The following STK11 variants were observed in gnomAD, a reference collection of about 807,000 sequenced individuals.
STK11 encodes serine/threonine kinase 11.
Under a neutral mutation model 47.3 loss-of-function variants are expected in STK11, and 8 were observed. The ratio of observed to expected loss-of-function variants is 0.17; its 90% CI spans 0.10 to 0.31. The LOEUF (loss-of-function observed/expected upper bound fraction) is 0.31, where lower values mean the gene tolerates loss of function less well. STK11 is among the 10% of genes least tolerant of loss of function. The pLI, the probability that STK11 is intolerant of heterozygous loss-of-function variation, is 1.00. For missense variants in STK11, 475 were observed against 605.0 expected (o/e 0.79, Z 2.25); for synonymous variants, 330 against 255.8 (o/e 1.29, Z -2.77).
intron 8 of STK11, chr19:1,224,735 A>G: frequency 3.0e-6 from 3 of 985,280 alleles, no homozygotes; most frequent in Non-Finnish European, 3.6e-6. Flanking sequence ...CTTTTTCATG[A>G]CCCTGCTAAG....
In STK11 at chr19:1,221,477, G is replaced by C. The variant is rs552484772; in HGVS notation, c.862+137G>C. Reference sequence around the variant, plus strand: ...ATTGAGAGGACTGAGTGGAGAGGCCGACCTCCCCGCAGGGCCTGGTTTGCC... The same window carrying C: ...ATTGAGAGGACTGAGTGGAGAGGCCCACCTCCCCGCAGGGCCTGGTTTGCC... On this transcript the variant is annotated intron_variant, in intron 6 of 9. Transcript: ENST00000326873. 2.1e-5 allele frequency: 28 copies of C among 1,349,618 alleles called. 1 individual carries two copies. The South Asian group carries it at 4.1e-4, about 20-fold the overall frequency. The allele number at this position is 1,349,618 out of a possible 1,614,324, so 83.6% of individuals were successfully genotyped here. A position where few individuals can be genotyped will look rare whatever the true frequency, so the allele number is the denominator to read the frequency against.
intron 3 of STK11, 39 bp downstream of exon 3, chr19:1,219,452 C>CGGGGGCT (rs2080767028): frequency 2.0e-6 from 3 of 1,514,460 alleles, no homozygotes; most frequent in Admixed American, 2.0e-5. Flanking sequence ...GGGCGGGGGC[C>CGGGGGCT]GGGGGCCAGG....
intron 1 of STK11, among the ~76,000 whole-genome samples, chr19:1,217,047 T>C (rs2080749512): frequency 6.6e-6 from 1 of 151,894 alleles, no homozygotes; most frequent in East Asian, 1.9e-4. Context: ...CCTGCTGCTG[T>C]GAGCATCTCG....
rs897216995 is a variant in STK11, at chr19:1,223,254, A to G, written c.1108+82A>G. 4.7e-6 allele frequency: 7 copies of G among 1,484,066 alleles called. No homozygotes were observed. The African/African-American group carries it at 8.3e-5, about 18-fold the overall frequency. 91.9% of individuals were successfully genotyped at this position (1,484,066 alleles called of 1,614,324 possible). On this transcript the variant is annotated intron_variant, in intron 8 of 9. Coordinates refer to ENST00000326873, the MANE Select transcript of STK11 (RefSeq NM_000455.5). ...GGAGCAGGGTGCCTGCCTGTCTGCAACAAGGACAGCTTCTGCCCTCTGGTG... is the reference window on the plus strand; with the variant it reads ...GGAGCAGGGTGCCTGCCTGTCTGCAGCAAGGACAGCTTCTGCCCTCTGGTG...
In STK11 at chr19:1,223,187, G is replaced by A. The variant is rs2145431553; in HGVS notation, c.1108+15G>A. Reference sequence around the variant, plus strand: ...CACGGTGCCCGGTGAGTCTGGCGGGGGCCCCTGCCCGGCTCTGCTGACTCG... The same window carrying A: ...CACGGTGCCCGGTGAGTCTGGCGGGAGCCCCTGCCCGGCTCTGCTGACTCG... On this transcript the variant is annotated intron_variant, in intron 8 of 9. Coordinates refer to ENST00000326873, the MANE Select transcript of STK11 (RefSeq NM_000455.5). The A allele has an allele frequency of 6.2e-7, 1 of 1,605,116 alleles. No individual in the cohort carries two copies. Among genetic ancestry groups the A allele is most frequent in the Non-Finnish European group, 8.5e-7 (1 of 1,177,306 alleles).
chr19:1,226,091 C>CCATGGGCCAGGGTGCCCCAGGGGAG, intron 8 of STK11: 2 of 1,092,024 alleles, frequency 1.8e-6, no homozygotes, highest in African/African-American at 1.7e-5. Context: ...CTAGAACCAA[C>CCATGGGCCAGGGTGCCCCAGGGGAG]CATGGGCCAG....
intron 6 of STK11, 146 bp downstream of exon 6, chr19:1,221,486 G>T (rs1445085703): frequency 7.8e-7 from 1 of 1,276,020 alleles, no homozygotes; most frequent in Non-Finnish European, 1.0e-6. Flanking sequence ...CGACCTCCCC[G>T]CAGGGCCTGG....
At chr19:1,225,607 T>G (rs1012394133) in intron 8 of STK11, 15 of 985,168 alleles carry the variant, frequency 1.5e-5, no homozygotes, top group South Asian at 4.7e-5. Context: ...CCTGTGCACA[T>G]GGGGTGGGTG....
intron 8 of STK11, chr19:1,225,400 G>T: frequency 2.4e-6 from 2 of 816,912 alleles, no homozygotes; most frequent in Non-Finnish European, 3.0e-6. Flanking sequence ...CTCCTGAGTA[G>T]CTGGGATTAC....
At chr19:1,221,163 G>A (rs769779230) in intron 5 of STK11, 50 bp from the exon 6 acceptor site, 99 of 1,604,330 alleles carry the variant, frequency 6.2e-5, no homozygotes, top group African/African-American at 8.0e-5. Flanking sequence ...CTCCTAGGGC[G>A]TCAACCACCT....
intron 7 of STK11, 138 bp downstream of exon 7, chr19:1,222,144 G>A: frequency 9.4e-7 from 1 of 1,060,038 alleles, no homozygotes; most frequent in Non-Finnish European, 1.4e-6. Flanking sequence ...AGCGCCCGCA[G>A]TTCTCGGGGC....
chr19:1,220,852 T>C (rs1039050985), intron 5 of STK11, 135 bp downstream of exon 5: 1 of 1,356,100 alleles, frequency 7.4e-7, no homozygotes, highest in Non-Finnish European at 9.9e-7. Context: ...CGCTAGGGGG[T>C]GCTTACTTTA....
chr19:1,227,403 C>CT, intron 9 of STK11, 190 bp from the exon 10 acceptor site: 1 of 447,914 alleles, frequency 2.2e-6, no homozygotes, highest in Non-Finnish European at 3.1e-6. Flanking sequence ...CCGCCAGGCC[C>CT]CACTGCAAAA....
At position 1,228,412 on chromosome 19, in the gene STK11, TAAAG is replaced by T. The variant is rs1262473188; in HGVS notation, c.*837_*840del. 4.4e-6 allele frequency: 1 copy of T among 225,136 alleles called. No homozygotes were observed. Among genetic ancestry groups the T allele is most frequent in the African/African-American group, 2.2e-5 (1 of 44,790 alleles). 13.9% of individuals were successfully genotyped at this position (225,136 alleles called of 1,614,324 possible). A position where few individuals can be genotyped will look rare whatever the true frequency, so the allele number is the denominator to read the frequency against. ...GAGGCCGCCCAAATTTGGCAATAAA[TAAAG>T]CTTGGGAAGCTTGGACCTGGCCGTC... On this transcript the variant is annotated 3_prime_UTR_variant, in exon 10 of 10. Coordinates refer to ENST00000326873, the MANE Select transcript of STK11 (RefSeq NM_000455.5).
intron 1 of STK11, among the ~76,000 whole-genome samples, chr19:1,210,966 G>A (rs1036887557): frequency 3.9e-5 from 6 of 152,188 alleles, no homozygotes; most frequent in Admixed American, 2.0e-4. Flanking sequence ...TTTGAGACCA[G>A]CGTGGCCAAC....
rs1024064212 is a variant in STK11, at chr19:1,228,111, G to A, written c.*535G>A. 1 of 1,065,710 alleles carries A rather than the reference G, an allele frequency of 9.4e-7. No homozygotes were observed. Among genetic ancestry groups the A allele is most frequent in the Non-Finnish European group, 1.1e-6 (1 of 879,520 alleles). The allele number at this position is 1,065,710 out of a possible 1,614,324, so 66.0% of individuals were successfully genotyped here. A position where few individuals can be genotyped will look rare whatever the true frequency, so the allele number is the denominator to read the frequency against. On this transcript the variant is annotated 3_prime_UTR_variant, in exon 10 of 10. Transcript: ENST00000326873. The stretch of plus-strand genomic sequence containing the variant: ...GTGGATTTGAGCTGTGGCTGTGAGG[G>A]GTGTTTGGGAGCTGCTGGGTGGCAG...
In STK11 at chr19:1,228,144, G is replaced by GT; in HGVS notation, c.*569dup. ...GGAGCTGCTGGGTGGCAGGGGGGCT[G>GT]TGGGGTCGGGCTCACGTCGCGGCCG... On this transcript the variant is annotated 3_prime_UTR_variant, in exon 10 of 10. Transcript: ENST00000326873. 9.4e-7 allele frequency: 1 copy of GT among 1,064,796 alleles called. No individual in the cohort carries two copies. The highest frequency in any genetic ancestry group is 1.1e-6 in the Non-Finnish European group (1 of 878,684). The allele number at this position is 1,064,796 out of a possible 1,614,324, so 66.0% of individuals were successfully genotyped here. A position where few individuals can be genotyped will look rare whatever the true frequency, so the allele number is the denominator to read the frequency against.
intron 1 of STK11, among the ~76,000 whole-genome samples, chr19:1,214,147 A>C (rs967088939): frequency 1.3e-5 from 2 of 152,114 alleles, no homozygotes; most frequent in Non-Finnish European, 2.9e-5. Flanking sequence ...CCAAGCTCTT[A>C]GGTTTCGCTG....
Position 1,227,672 on chromosome 19 carries a change from T to C in STK11, c.*96T>C, listed in dbSNP as rs577958573. 2.8e-6 allele frequency: 3 copies of C among 1,068,830 alleles called. No homozygotes were observed. The highest frequency in any genetic ancestry group is 9.7e-5 in the East Asian group (2 of 20,544). The allele number at this position is 1,068,830 out of a possible 1,614,324, so 66.2% of individuals were successfully genotyped here. ...GGTTCCGCCCGCCCTCCCGGAGAGG[T>C]GGCCGCCATGCTTCTGTGCCGACCA... On this transcript the variant is annotated 3_prime_UTR_variant, in exon 10 of 10. Coordinates refer to ENST00000326873, the MANE Select transcript of STK11 (RefSeq NM_000455.5).
Sources: gnomAD v4.1 joint callset for allele counts (sites outside exome capture counted in the v4.1 genomes callset) on GRCh38, gnomAD v4.1.1 for gene constraint, MANE v1.5 for transcripts, NCBI Gene and HGNC (gene_info 2026-07-23, HGNC 2026-07-21) for gene names.